Variants in TMC1 observed in about 807,000 individuals in gnomAD.
TMC1 encodes transmembrane channel like 1.
In TMC1, 84 loss-of-function variants were observed where a neutral mutation model predicts 105.8. That is an observed-to-expected ratio of 0.79 (90% CI 0.67 to 0.95). TMC1 has a LOEUF of 0.95. Among genes scored for constraint, TMC1 ranks in the 40% least tolerant of loss-of-function variants. The probability of loss-of-function intolerance (pLI) is 0.00; values close to 1 mark genes in which losing one functional copy is unlikely to be tolerated. For synonymous variants in TMC1, 315 were observed against 311.5 expected, an observed-to-expected ratio of 1.01 and a Z score of -0.12; for missense variants, 817 against 914.1, an observed-to-expected ratio of 0.89 and a Z score of 1.37.
At chr9:72,702,536 GT>G (rs1826662052) in intron 8 of TMC1, among the ~76,000 whole-genome samples, 1 of 152,062 alleles carries the variant, frequency 6.6e-6, no homozygotes, top group African/African-American at 2.4e-5. Flanking sequence ...GGAAACCTAA[GT>G]TGTAGTTATT....
At chr9:72,543,676 G>A (rs1310114888) in intron 1 of TMC1, among the ~76,000 whole-genome samples, 2 of 152,130 alleles carry the variant, frequency 1.3e-5, no homozygotes, top group Non-Finnish European at 2.9e-5. Flanking sequence ...CCAGCTACTT[G>A]GGAGGCTGAG....
At chr9:72,724,851 G>A (rs1253590576) in intron 8 of TMC1, among the ~76,000 whole-genome samples, 1 of 152,012 alleles carries the variant, frequency 6.6e-6, no homozygotes, top group African/African-American at 2.4e-5. Context: ...ACTTTTATTA[G>A]ACTATCCATG....
intron 19 of TMC1, among the ~76,000 whole-genome samples, chr9:72,819,576 A>C (rs944347423): frequency 6.6e-6 from 1 of 152,192 alleles, no homozygotes; most frequent in African/African-American, 2.4e-5. Flanking sequence ...ATTCGTATCT[A>C]TTGTCCGAAA....
At chr9:72,601,372 G>T (rs544849634) in intron 2 of TMC1, among the ~76,000 whole-genome samples, 20 of 150,850 alleles carry the variant, frequency 1.3e-4, no homozygotes, top group Non-Finnish European at 2.5e-4. Context: ...GGCCAGGTGC[G>T]GTGGCTCATG....
At chr9:72,531,825 T>A (rs1038130999) in intron 1 of TMC1, among the ~76,000 whole-genome samples, 6 of 152,196 alleles carry the variant, frequency 3.9e-5, no homozygotes, top group African/African-American at 1.4e-4. Context: ...TCAAAAATGC[T>A]CCAAGTGCCA....
intron 18 of TMC1, among the ~76,000 whole-genome samples, chr9:72,807,912 C>A (rs1564569228): frequency 1.3e-5 from 2 of 152,152 alleles, no homozygotes; most frequent in Non-Finnish European, 2.9e-5. Context: ...GACTCCATCA[C>A]CAGCTTTCCT....
intron 23 of TMC1, 36 bp from the exon 24 acceptor site, chr9:72,835,915 G>GTTTTTTTTTTTGTTT: frequency 7.6e-7 from 1 of 1,314,682 alleles, no homozygotes; most frequent in Admixed American, 2.2e-5. Flanking sequence ...CTCTCTCCTT[G>GTTTTTTTTTTTGTTT]TTTTTTTTTT....
intron 5 of TMC1, among the ~76,000 whole-genome samples, chr9:72,671,091 A>G (rs1826121085): frequency 1.3e-5 from 2 of 152,254 alleles, no homozygotes; most frequent in South Asian, 4.1e-4. Flanking sequence ...TCATAAGGAA[A>G]GAAGACTCAA....
chr9:72,554,735 G>C (rs567460265), intron 1 of TMC1, among the ~76,000 whole-genome samples: 1 of 152,166 alleles, frequency 6.6e-6, no homozygotes, highest in Non-Finnish European at 1.5e-5. Flanking sequence ...GGGTTGGATC[G>C]TGTGATTTAT....
chr9:72,612,397 C>T (rs1438196102), intron 2 of TMC1, among the ~76,000 whole-genome samples: 2 of 151,920 alleles, frequency 1.3e-5, no homozygotes, highest in Non-Finnish European at 2.9e-5. Context: ...TGGTCTTGAA[C>T]TCCTGGGCTC....
chr9:72,620,701 A>AG (rs1825233294), intron 3 of TMC1, among the ~76,000 whole-genome samples: 1 of 152,232 alleles, frequency 6.6e-6, no homozygotes, highest in Non-Finnish European at 1.5e-5. Flanking sequence ...TTGACCTTCA[A>AG]GGATCTGAAG....
intron 2 of TMC1, among the ~76,000 whole-genome samples, chr9:72,595,848 G>C (rs562386646): frequency 4.0e-4 from 55 of 136,414 alleles, no homozygotes; most frequent in African/African-American, 1.4e-3. Context: ...GCTAATTTTC[G>C]TATTTTTAGT....
At chr9:72,633,244 T>C (rs755534227) in intron 4 of TMC1, among the ~76,000 whole-genome samples, 48 of 152,362 alleles carry the variant, frequency 3.2e-4, no homozygotes, top group Non-Finnish European at 6.0e-4. Flanking sequence ...TCTTCTGTGT[T>C]CATGGTGTAG....
At chr9:72,612,051 G>T (rs1258963833) in intron 2 of TMC1, among the ~76,000 whole-genome samples, 1 of 152,120 alleles carries the variant, frequency 6.6e-6, no homozygotes, top group Non-Finnish European at 1.5e-5. Context: ...GGGAGCACTT[G>T]CATGAGCTTG....
At chr9:72,673,624 TA>T (rs1826157421) in intron 5 of TMC1, among the ~76,000 whole-genome samples, 1 of 151,920 alleles carries the variant, frequency 6.6e-6, no homozygotes, top group African/African-American at 2.4e-5. Flanking sequence ...AAAAGAACAA[TA>T]AGATAATATG....
chr9:72,720,548 A>G (rs547403329), intron 8 of TMC1, among the ~76,000 whole-genome samples: 1 of 152,328 alleles, frequency 6.6e-6, no homozygotes, highest in Non-Finnish European at 1.5e-5. Flanking sequence ...CACATAATAA[A>G]GATTACTTGG....
chr9:72,825,651 C>T (rs940310157), intron 20 of TMC1, among the ~76,000 whole-genome samples: 2 of 152,098 alleles, frequency 1.3e-5, no homozygotes, highest in African/African-American at 4.8e-5. Flanking sequence ...GATAGATGGT[C>T]TTATCTTTTT....
chr9:72,683,179 C>A (rs1432093579), intron 5 of TMC1, among the ~76,000 whole-genome samples: 2 of 152,156 alleles, frequency 1.3e-5, no homozygotes, highest in Admixed American at 1.3e-4. Flanking sequence ...GATTTGGTGA[C>A]TCAGTCTAGC....
rs1375217140 is a variant in TMC1, at chr9:72,772,486, G to C, written c.815G>C (p.Arg272Thr). 1.2e-6 allele frequency: 2 copies of C among 1,613,918 alleles called. No individual in the cohort carries two copies. Among genetic ancestry groups the C allele is most frequent in the Admixed American group, 3.3e-5 (2 of 60,008 alleles). Reference protein sequence around the residue: ...NKRTIGWMNFRLPLSYFLVGI... With the variant: ...NKRTIGWMNFTLPLSYFLVGI... ...CGAACAATTGGATGGATGAATTTCA[G>C]GTTGCCGCTCTCCTATTTTCTAGTG... The change falls in exon 13 of 24, where the codon AGG (arginine) becomes ACG (threonine). Residue 272 changes from arginine (R) to threonine (T), a missense_variant. Transcript: ENST00000297784.
Sources: gnomAD v4.1 joint callset for allele counts (sites outside exome capture counted in the v4.1 genomes callset) on GRCh38, gnomAD v4.1.1 for gene constraint, MANE v1.5 for transcripts, NCBI Gene and HGNC (gene_info 2026-07-23, HGNC 2026-07-21) for gene names.